The following GPC6 variants were observed in gnomAD, a reference collection of about 807,000 sequenced individuals.
GPC6 encodes the protein glypican 6, also known as glypican-6.
A neutral mutation model predicts 55.2 loss-of-function variants in GPC6; 14 were observed. That is an observed-to-expected ratio of 0.25 (90% CI 0.17 to 0.40). GPC6 has a LOEUF of 0.40. Ranked by LOEUF, GPC6 falls within the 10% of genes least tolerant of loss-of-function variation. The pLI, the probability that GPC6 is intolerant of heterozygous loss-of-function variation, is 1.00. For missense variants in GPC6, 641 were observed against 708.5 expected (o/e 0.90, Z 1.08); for synonymous variants, 278 against 259.6 (o/e 1.07, Z -0.68).
chr13:93,397,017 G>A (rs1419549575), intron 1 of GPC6, among the ~76,000 whole-genome samples: 1 of 152,058 alleles, frequency 6.6e-6, no homozygotes, highest in Non-Finnish European at 1.5e-5. Context: ...GCCATCATTT[G>A]CAATTATCCT....
chr13:93,465,562 A>G (rs1878873915), intron 1 of GPC6, among the ~76,000 whole-genome samples: 1 of 152,166 alleles, frequency 6.6e-6, no homozygotes, highest in Non-Finnish European at 1.5e-5. Context: ...CTCAACTTTC[A>G]TAGAGATGAA....
At chr13:93,455,823 A>G (rs189106066) in intron 1 of GPC6, among the ~76,000 whole-genome samples, 1 of 152,262 alleles carries the variant, frequency 6.6e-6, no homozygotes, top group East Asian at 1.9e-4. Context: ...TACTCTGTGC[A>G]GGGGACTAAA....
At chr13:94,134,825 A>G (rs538638434) in intron 4 of GPC6, among the ~76,000 whole-genome samples, 7 of 152,272 alleles carry the variant, frequency 4.6e-5, no homozygotes, top group East Asian at 3.9e-4. Flanking sequence ...TAGATTTCCT[A>G]TAAAAGTCTA....
At chr13:93,735,627 A>C (rs953516944) in intron 2 of GPC6, among the ~76,000 whole-genome samples, 1 of 152,142 alleles carries the variant, frequency 6.6e-6, no homozygotes, top group Non-Finnish European at 1.5e-5. Context: ...CATGAAACTG[A>C]TTCTTCTGAA....
chr13:93,233,354 A>AAAAT (rs35170407), intron 1 of GPC6, among the ~76,000 whole-genome samples: 27,897 of 151,380 alleles, frequency 0.18, 2,809 homozygotes, highest in East Asian at 0.29. Context: ...CAAAAAAAAA[A>AAAAT]AAATCAAAAT....
intron 6 of GPC6, among the ~76,000 whole-genome samples, chr13:94,347,620 T>C (rs1018798117): frequency 1.3e-5 from 2 of 152,266 alleles, no homozygotes; most frequent in African/African-American, 4.8e-5. Context: ...ATATGATTTT[T>C]TAAAATAATT....
chr13:93,764,010 C>T (rs371190647), intron 2 of GPC6, among the ~76,000 whole-genome samples: 4 of 152,202 alleles, frequency 2.6e-5, no homozygotes, highest in East Asian at 1.9e-4. Flanking sequence ...TATCACAGAT[C>T]GGATCTACTG....
At chr13:93,702,760 A>G (rs1882716293) in intron 2 of GPC6, among the ~76,000 whole-genome samples, 1 of 151,902 alleles carries the variant, frequency 6.6e-6, no homozygotes, top group Non-Finnish European at 1.5e-5. Context: ...CCCTCAACCT[A>G]TGAACCTCTG....
chr13:94,028,022 T>C, intron 4 of GPC6, 128 bp downstream of exon 4: 1 of 873,928 alleles, frequency 1.1e-6, no homozygotes. Flanking sequence ...CCCAGCACTT[T>C]GGGAGGCCAG....
At chr13:93,791,175 G>T (rs188544768) in intron 2 of GPC6, among the ~76,000 whole-genome samples, 5 of 152,196 alleles carry the variant, frequency 3.3e-5, no homozygotes, top group Admixed American at 3.3e-4. Context: ...AGTGTCATTG[G>T]TACTTCTGAT....
intron 1 of GPC6, among the ~76,000 whole-genome samples, chr13:93,396,955 A>G (rs1875882326): frequency 6.6e-6 from 1 of 152,134 alleles, no homozygotes; most frequent in Non-Finnish European, 1.5e-5. Context: ...GGTATAACAA[A>G]GCATACTTTA....
intron 2 of GPC6, among the ~76,000 whole-genome samples, chr13:93,678,473 T>G (rs1881729193): frequency 6.6e-6 from 1 of 152,212 alleles, no homozygotes. Flanking sequence ...AATCTTAGCA[T>G]GTCTGAATGT....
chr13:93,221,982 A>G (rs564199005), upstream of GPC6, among the ~76,000 whole-genome samples: 1 of 150,876 alleles, frequency 6.6e-6, no homozygotes, highest in East Asian at 2.0e-4. Flanking sequence ...AACTGAGCAA[A>G]AGGATGATAA....
chr13:93,427,131 G>C (rs1877161492), intron 1 of GPC6, among the ~76,000 whole-genome samples: 1 of 151,268 alleles, frequency 6.6e-6, no homozygotes, highest in African/African-American at 2.4e-5. Context: ...GTAGATTCTG[G>C]ATATTAGCCC....
At chr13:93,428,462 C>T (rs927074759) in intron 1 of GPC6, among the ~76,000 whole-genome samples, 4 of 152,098 alleles carry the variant, frequency 2.6e-5, no homozygotes, top group African/African-American at 9.7e-5. Context: ...GGATAAAAAT[C>T]TATTTTCTCT....
intron 1 of GPC6, among the ~76,000 whole-genome samples, chr13:93,427,287 C>T (rs990386032): frequency 4.0e-5 from 6 of 151,666 alleles, no homozygotes; most frequent in South Asian, 2.1e-4. Context: ...GAGCCTGCAT[C>T]GCCAAGTCAA....
chr13:93,264,123 T>G (rs1462109742), intron 1 of GPC6, among the ~76,000 whole-genome samples: 2 of 152,182 alleles, frequency 1.3e-5, no homozygotes, highest in African/African-American at 4.8e-5. Context: ...TAACTTCAGA[T>G]GGAGTAGATG....
intron 3 of GPC6, among the ~76,000 whole-genome samples, chr13:93,987,494 A>C (rs746426825): frequency 6.6e-6 from 1 of 152,248 alleles, no homozygotes; most frequent in Non-Finnish European, 1.5e-5. Context: ...TGAAAGGATC[A>C]GATTCTAGAA....
At chr13:93,911,020 A>G (rs1397292547) in intron 3 of GPC6, among the ~76,000 whole-genome samples, 2 of 152,176 alleles carry the variant, frequency 1.3e-5, no homozygotes, top group Non-Finnish European at 2.9e-5. Flanking sequence ...AGAATCCAAT[A>G]TTGTCTCTGA....
Sources: allele counts gnomAD v4.1 joint callset (sites outside exome capture counted in the v4.1 genomes callset), GRCh38; gene constraint gnomAD v4.1.1; transcripts MANE v1.5; gene names NCBI Gene and HGNC (gene_info 2026-07-23, HGNC 2026-07-21).